CSF1R: variants seen among roughly 807,000 people sequenced by gnomAD.
The protein encoded by CSF1R is colony stimulating factor 1 receptor.
A neutral mutation model predicts 110.0 loss-of-function variants in CSF1R; 40 were observed. The ratio of observed to expected loss-of-function variants is 0.36; its 90% CI spans 0.28 to 0.47. The LOEUF (loss-of-function observed/expected upper bound fraction) is 0.47, where lower values mean the gene tolerates loss of function less well. Among genes scored for constraint, CSF1R ranks in the 20% least tolerant of loss-of-function variants. The pLI is 0.99. For synonymous variants in CSF1R, 523 were observed against 503.4 expected, an observed-to-expected ratio of 1.04 and a Z score of -0.52; for missense variants, 1,052 against 1,253.0, an observed-to-expected ratio of 0.84 and a Z score of 2.42.
chr5:150,074,842 T>TACACACACACACACAC (rs5872157), intron 5 of CSF1R, among the ~76,000 whole-genome samples: 1 of 151,788 alleles, frequency 6.6e-6, no homozygotes, highest in African/African-American at 2.4e-5. Context: ...TCTTCCTTCC[T>TACACACACACACACAC]ACACACACAC....
chr5:150,068,381 C>A, intron 9 of CSF1R, 51 bp from the exon 10 acceptor site: 2 of 1,396,074 alleles, frequency 1.4e-6, no homozygotes, highest in African/African-American at 1.4e-5. Context: ...CTCCGAGCCC[C>A]CTGAGGTCAG....
At position 150,073,454 on chromosome 5, in the gene CSF1R, A is replaced by T. The variant is rs1462650029; in HGVS notation, c.929T>A (p.Ile310Asn). Residue 310 changes from isoleucine (I) to asparagine (N), a missense_variant, in exon 6 of 21, where the codon ATC becomes AAC. Transcript: ENST00000675795. The stretch of plus-strand genomic sequence containing the variant: ...CCCCTCCCCCACGGTCACCTCCTGG[A>T]TGAGGTTCTGCTCAGAGCTCAAGTT... ...YLNLSSEQNL[I>N]QEVTVGEGLN... 5 of 1,614,096 alleles carry T rather than the reference A, an allele frequency of 3.1e-6. No homozygotes were observed. Among genetic ancestry groups the T allele is most frequent in the Non-Finnish European group, 4.2e-6 (5 of 1,179,994 alleles).
intron 14 of CSF1R, among the ~76,000 whole-genome samples, chr5:150,059,174 A>C (rs1757383839): frequency 6.6e-6 from 1 of 151,998 alleles, no homozygotes; most frequent in Non-Finnish European, 1.5e-5. Context: ...CCTCCCGAGT[A>C]GCTGGGATTA....
At chr5:150,074,861 C>T (rs1323462451) in intron 5 of CSF1R, among the ~76,000 whole-genome samples, 1 of 137,682 alleles carries the variant, frequency 7.3e-6, no homozygotes, top group Non-Finnish European at 1.5e-5. Context: ...ACACTCAACG[C>T]TCCACCCATC....
In CSF1R at chr5:150,070,555, A is replaced by G. The variant is rs867779646; in HGVS notation, c.1099T>C (p.Ser367Pro). Residue 367 changes from serine (S) to proline (P), a missense_variant, in exon 7 of 21, where the codon TCT becomes CCT. Ser to Pro is a moderately conservative substitution (Grantham distance 74). Transcript: ENST00000675795. ...TCAGAGGGCTTCAGGCGGGGCAGAG[A>G]GAGGGTGAAGGTGTGCCTGCAGGAG... ...KDTYRHTFTL[S>P]LPRLKPSEAG... 1 of 1,539,896 alleles carries G rather than the reference A, an allele frequency of 6.5e-7. No homozygotes were observed. The highest frequency in any genetic ancestry group is 1.7e-4 in the Middle Eastern group (1 of 5,898).
intron 5 of CSF1R, among the ~76,000 whole-genome samples, chr5:150,075,600 A>G (rs2113820214): frequency 6.6e-6 from 1 of 152,316 alleles, no homozygotes; most frequent in African/African-American, 2.4e-5. Flanking sequence ...CAAATGCTAT[A>G]TAATTTGTTT....
In CSF1R at chr5:150,069,777, C is replaced by CA. The variant is rs1236943375; in HGVS notation, c.1510+95dup. 5 of 1,245,644 alleles carry CA rather than the reference C, an allele frequency of 4.0e-6. No individual in the cohort carries two copies. The African/African-American group carries it at 8.0e-5, about 20-fold the overall frequency. The allele number at this position is 1,245,644 out of a possible 1,614,324, so 77.2% of individuals were successfully genotyped here. On this transcript the variant is annotated intron_variant, in intron 9 of 20. Transcript: ENST00000675795. ...TCTGCTCCAAAGGTGGAGCCAACCCCAGCTCCCTCGGTGGGGGGTGGGGGA... is the reference window on the plus strand; with the variant it reads ...TCTGCTCCAAAGGTGGAGCCAACCCCAAGCTCCCTCGGTGGGGGGTGGGGGA...
chr5:150,107,499 T>C (rs1759589298), intron 1 of CSF1R, among the ~76,000 whole-genome samples: 1 of 152,236 alleles, frequency 6.6e-6, no homozygotes, highest in East Asian at 1.9e-4. Context: ...CCAGCCACCT[T>C]AGGGGAAAGC....
chr5:150,079,023 G>T (rs1480371996), intron 3 of CSF1R, among the ~76,000 whole-genome samples: 1 of 152,238 alleles, frequency 6.6e-6, no homozygotes, highest in Non-Finnish European at 1.5e-5. Context: ...CAAGATGCCT[G>T]ATGCACAGTA....
rs60014782 is a variant in CSF1R at position 150,109,058 on chromosome 5, G to GC, written c.-181+4202dup. Among the ~76,000 whole-genome samples the GC allele has an allele frequency of 1.7e-3, 203 of 119,776 alleles. 4 individuals are homozygous for GC. Among genetic ancestry groups the GC allele is most frequent in the African/African-American group, 5.4e-3 (169 of 31,044 alleles). The allele number at this position is 119,776 out of a possible 152,430, so 78.6% of individuals were successfully genotyped here. A position where few individuals can be genotyped will look rare whatever the true frequency, so the allele number is the denominator to read the frequency against. On this transcript the variant is annotated intron_variant, in intron 1 of 21. Transcript: ENST00000286301. ...AGAACCCCATCCCAAGGAGAAGCCC[G>GC]CCCCCCCCCCACCACCCAAGAAATT...
chr5:150,085,164 A>G (rs1190276577), intron 1 of CSF1R, among the ~76,000 whole-genome samples: 1 of 151,286 alleles, frequency 6.6e-6, no homozygotes, highest in East Asian at 1.9e-4. Flanking sequence ...CTGTAATCCC[A>G]GCTTGGGAGG....
chr5:150,054,548 A>G, intron 19 of CSF1R, 118 bp from the exon 20 acceptor site: 1 of 773,380 alleles, frequency 1.3e-6, no homozygotes, highest in Non-Finnish European at 2.1e-6. Flanking sequence ...AAGTAAGTTT[A>G]GTATAAAACC....
chr5:150,063,938 G>T (rs1022698493), intron 10 of CSF1R, among the ~76,000 whole-genome samples: 15 of 152,216 alleles, frequency 9.9e-5, no homozygotes, highest in Non-Finnish European at 1.8e-4. Flanking sequence ...CGGTGCTAGG[G>T]AGGAGGCTGG....
chr5:150,094,435 C>T (rs1759146744), intron 1 of CSF1R: 2 of 1,597,346 alleles, frequency 1.3e-6, no homozygotes, highest in Non-Finnish European at 1.7e-6. Flanking sequence ...CTTCGAAAGG[C>T]AAGGAGGAAG....
At chr5:150,097,312 A>AGGGGAG (rs1759257474) in intron 1 of CSF1R, among the ~76,000 whole-genome samples, 1 of 144,182 alleles carries the variant, frequency 6.9e-6, no homozygotes, top group African/African-American at 2.6e-5. Context: ...GGAAAGGGAA[A>AGGGGAG]GGGGAAGGGG....
At chr5:150,096,312 C>T (rs1031553528) in intron 1 of CSF1R, among the ~76,000 whole-genome samples, 1 of 152,264 alleles carries the variant, frequency 6.6e-6, no homozygotes, top group African/African-American at 2.4e-5. Flanking sequence ...ATTGCTTGAA[C>T]CCGGGAGGCA....
chr5:150,087,708 A>C (rs959045343), upstream of CSF1R, among the ~76,000 whole-genome samples: 25 of 151,672 alleles, frequency 1.6e-4, no homozygotes, highest in Non-Finnish European at 3.2e-4. Flanking sequence ...CTTATCTCTA[A>C]AGAACATGGT....
At chr5:150,112,885 G>A (rs1394878057) in intron 1 of CSF1R, among the ~76,000 whole-genome samples, 2 of 152,148 alleles carry the variant, frequency 1.3e-5, no homozygotes, top group Non-Finnish European at 2.9e-5. Context: ...TCCAAAATGA[G>A]GTCCTTCCCG....
chr5:150,098,890 CT>C (rs34306632), intron 1 of CSF1R, among the ~76,000 whole-genome samples: 3,928 of 128,564 alleles, frequency 0.031, 175 homozygotes, highest in East Asian at 0.24. Context: ...ATACAAACAA[CT>C]TTTTTTTTTT....
Sources: allele counts gnomAD v4.1 joint callset (sites outside exome capture counted in the v4.1 genomes callset), GRCh38; gene constraint gnomAD v4.1.1; transcripts MANE v1.5; gene names NCBI Gene and HGNC (gene_info 2026-07-23, HGNC 2026-07-21).